The following KCNQ3 variants were observed in gnomAD, a reference collection of about 807,000 sequenced individuals.
KCNQ3 encodes potassium voltage-gated channel subfamily KQT member 3.
In KCNQ3, 30 loss-of-function variants were observed where a neutral mutation model predicts 92.5. That is an observed-to-expected ratio of 0.32 (90% confidence interval 0.24 to 0.44). The LOEUF (loss-of-function observed/expected upper bound fraction) is 0.44, where lower values mean the gene tolerates loss of function less well. Ranked by LOEUF, KCNQ3 falls within the 20% of genes least tolerant of loss-of-function variation. KCNQ3 has a pLI of 1.00. For missense variants in KCNQ3, 913 were observed against 1,140.3 expected (o/e 0.80, Z 2.87); for synonymous variants, 450 against 468.8 (o/e 0.96, Z 0.52).
chr8:132,256,903 G>A lies in KCNQ3; in HGVS notation c.387-70722C>T, dbSNP rs541134380. On this transcript the variant is annotated intron_variant, in intron 1 of 14. Coordinates refer to ENST00000388996, the MANE Select transcript of KCNQ3 (RefSeq NM_004519.4). ...GGATGAAAGGAAAGGAAATTAGACA[G>A]TAAATCAAATCCACATAAGGAAATA... 1.2e-4 allele frequency among the ~76,000 whole-genome samples: 18 copies of A among 152,244 alleles called. No individual in the cohort carries two copies. In the South Asian group the frequency reaches 3.1e-3, roughly 26 times the overall value.
rs1282757658 is a variant in KCNQ3, at chr8:132,122,908, A to G, written c.*6354T>C. 1 of 152,212 alleles carries G rather than the reference A, an allele frequency of 6.6e-6. No individual in the cohort carries two copies. Among genetic ancestry groups the G allele is most frequent in the East Asian group, 1.9e-4 (1 of 5,184 alleles). 9.4% of individuals were successfully genotyped at this position (152,212 alleles called of 1,614,324 possible). A position where few individuals can be genotyped will look rare whatever the true frequency, so the allele number is the denominator to read the frequency against. ...TAGTTACATAACCATAAGATGTCCT[A>G]AGTTGAGTCCTGTCTGCTTCTTTGT... On this transcript the variant is annotated 3_prime_UTR_variant, in exon 15 of 15. Coordinates refer to ENST00000388996, the MANE Select transcript of KCNQ3 (RefSeq NM_004519.4).
intron 1 of KCNQ3, among the ~76,000 whole-genome samples, chr8:132,209,650 A>G (rs1813790711): frequency 6.6e-6 from 1 of 152,186 alleles, no homozygotes; most frequent in Non-Finnish European, 1.5e-5. Flanking sequence ...CATTCAGTAG[A>G]AGCCATTCAG....
chr8:132,351,056 C>T (rs989696480), intron 1 of KCNQ3, among the ~76,000 whole-genome samples: 1 of 152,100 alleles, frequency 6.6e-6, no homozygotes, highest in Non-Finnish European at 1.5e-5. Flanking sequence ...CTTCCCCACA[C>T]CTCCACTCTC....
At chr8:132,438,135 TGAGAAATACATTTA>T (rs1212811569) in intron 1 of KCNQ3, among the ~76,000 whole-genome samples, 2 of 152,252 alleles carry the variant, frequency 1.3e-5, no homozygotes, top group Admixed American at 1.3e-4. Flanking sequence ...ATTCTTCTTA[TGAGAAATACATTTA>T]GGAAAAACTG....
rs191891415 is a variant in KCNQ3 at position 132,278,787 on chromosome 8, G to T, written c.387-92606C>A. On this transcript the variant is annotated intron_variant, in intron 1 of 14. Transcript: ENST00000388996. ...TTCAACTTTAAGAAGTACTGCACTA[G>T]GGCAGTTGCTCTAATTAGCCCCTCC... 8.5e-5 allele frequency among the ~76,000 whole-genome samples: 13 copies of T among 152,300 alleles called. No homozygotes were observed. In the East Asian group the frequency reaches 2.5e-3, roughly 29 times the overall value.
chr8:132,392,981 G>A (rs1354310847), intron 1 of KCNQ3, among the ~76,000 whole-genome samples: 3 of 151,924 alleles, frequency 2.0e-5, no homozygotes, highest in Non-Finnish European at 4.4e-5. Context: ...ATAAAAATCA[G>A]AGAATGCTAA....
intron 3 of KCNQ3, among the ~76,000 whole-genome samples, chr8:132,183,283 G>A (rs947433886): frequency 6.6e-6 from 1 of 152,124 alleles, no homozygotes; most frequent in Non-Finnish European, 1.5e-5. Flanking sequence ...TAGAGAGGGG[G>A]AATAACATGT....
intron 1 of KCNQ3, among the ~76,000 whole-genome samples, chr8:132,272,446 G>C (rs1224432575): frequency 6.6e-6 from 1 of 152,234 alleles, no homozygotes; most frequent in African/African-American, 2.4e-5. Flanking sequence ...TTCAGGCCAG[G>C]AACTGAGCCC....
At chr8:132,354,849 C>T (rs60042093) in intron 1 of KCNQ3, among the ~76,000 whole-genome samples, 51,969 of 151,998 alleles carry the variant, frequency 0.34, 9,872 homozygotes, top group African/African-American at 0.5. Flanking sequence ...CCCAATAATC[C>T]CTGGTAGCCT....
chr8:132,193,768 G>A (rs1013831724), intron 1 of KCNQ3, among the ~76,000 whole-genome samples: 1 of 152,148 alleles, frequency 6.6e-6, no homozygotes, highest in Non-Finnish European at 1.5e-5. Flanking sequence ...TTTACAGATG[G>A]GGAACTCAGC....
At position 132,245,095 on chromosome 8, in the gene KCNQ3, G is replaced by GTGCC. The variant is rs543865432; in HGVS notation, c.387-58918_387-58915dup. 3.0e-4 allele frequency among the ~76,000 whole-genome samples: 45 copies of GTGCC among 152,042 alleles called. No individual in the cohort carries two copies. The East Asian group carries it at 8.3e-3, about 28-fold the overall frequency. ...CTTGTCCAATCTCCTGATATAATTTGTGCCTGTTCATAGCAAAAGCCTTGG... is the reference window on the plus strand; with the variant it reads ...CTTGTCCAATCTCCTGATATAATTTGTGCCTGCCTGTTCATAGCAAAAGCCTTGG... On this transcript the variant is annotated intron_variant, in intron 1 of 14. Coordinates refer to ENST00000388996, the MANE Select transcript of KCNQ3 (RefSeq NM_004519.4).
chr8:132,479,697 C>A (rs1441188039), intron 1 of KCNQ3, among the ~76,000 whole-genome samples: 2 of 149,366 alleles, frequency 1.3e-5, no homozygotes, highest in Non-Finnish European at 1.5e-5. Context: ...CCATCCCCAA[C>A]TAAACTCAGT....
intron 1 of KCNQ3, among the ~76,000 whole-genome samples, chr8:132,408,651 T>C (rs894746010): frequency 2.0e-5 from 3 of 152,212 alleles, no homozygotes; most frequent in Non-Finnish European, 2.9e-5. Flanking sequence ...CCAGTCAACT[T>C]TGAGTTAATC....
intron 1 of KCNQ3, among the ~76,000 whole-genome samples, chr8:132,222,171 C>T (rs567574336): frequency 7.9e-5 from 12 of 152,200 alleles, no homozygotes; most frequent in Non-Finnish European, 1.5e-4. Flanking sequence ...ATCCATCTGA[C>T]AAAGGGCTAA....
rs917117955 is a variant in KCNQ3 at position 132,147,351 on chromosome 8, A to AT, written c.1263-6021dup. Among the ~76,000 whole-genome samples the AT allele has an allele frequency of 1.5e-4, 22 of 149,474 alleles. No individual in the cohort carries two copies. The East Asian group carries it at 2.5e-3, about 17-fold the overall frequency. Reference sequence around the variant, plus strand: ...ACCCGTATTATAACCATCATAAGCTATTTTTTTTGGAGTTGGGCAAGACTT... The same window carrying AT: ...ACCCGTATTATAACCATCATAAGCTATTTTTTTTTGGAGTTGGGCAAGACTT... On this transcript the variant is annotated intron_variant, in intron 9 of 14. Transcript: ENST00000388996.
chr8:132,169,918 G>C (rs1485411867), intron 8 of KCNQ3, among the ~76,000 whole-genome samples: 1 of 151,846 alleles, frequency 6.6e-6, no homozygotes, highest in Admixed American at 6.6e-5. Flanking sequence ...GTGTTGCCCA[G>C]GCTGAAGTGC....
intron 1 of KCNQ3, among the ~76,000 whole-genome samples, chr8:132,386,673 T>A (rs970318599): frequency 3.3e-5 from 5 of 152,178 alleles, no homozygotes; most frequent in Non-Finnish European, 5.9e-5. Flanking sequence ...TATAAAAAAT[T>A]GGAAACAGAT....
chr8:132,293,971 G>A (rs138076030), intron 1 of KCNQ3, among the ~76,000 whole-genome samples: 6 of 149,468 alleles, frequency 4.0e-5, no homozygotes, highest in South Asian at 4.2e-4. Flanking sequence ...CTCTCTCAGG[G>A]TTCACTAAGG....
rs569660067 is a variant in KCNQ3, at chr8:132,167,664, G to A, written c.1235+2670C>T. Among the ~76,000 whole-genome samples the A allele has an allele frequency of 5.9e-5, 9 of 152,138 alleles. No individual in the cohort carries two copies. In the South Asian group the frequency reaches 1.7e-3, roughly 28 times the overall value. ...ATTTCTCTAGGGACATTATACTTTCGTCCTTGAAAAAAGAAAGAAAGAAAT... is the reference window on the plus strand; with the variant it reads ...ATTTCTCTAGGGACATTATACTTTCATCCTTGAAAAAAGAAAGAAAGAAAT... On this transcript the variant is annotated intron_variant, in intron 8 of 14. Transcript: ENST00000388996.
Sources: gnomAD v4.1 joint callset for allele counts (sites outside exome capture counted in the v4.1 genomes callset) on GRCh38, gnomAD v4.1.1 for gene constraint, MANE v1.5 for transcripts, NCBI Gene and HGNC (gene_info 2026-07-23, HGNC 2026-07-21) for gene names.